NLGN1: variants seen among roughly 807,000 people sequenced by gnomAD.
NLGN1 encodes the protein neuroligin 1, also known as neuroligin-1.
Under a neutral mutation model 65.5 loss-of-function variants are expected in NLGN1, and 12 were observed. The ratio of observed to expected loss-of-function variants is 0.18; its 90% CI spans 0.12 to 0.30. The LOEUF (loss-of-function observed/expected upper bound fraction) is 0.30, where lower values mean the gene tolerates loss of function less well. Ranked by LOEUF, NLGN1 falls within the 10% of genes least tolerant of loss-of-function variation. The probability of loss-of-function intolerance (pLI) is 1.00; values close to 1 mark genes in which losing one functional copy is unlikely to be tolerated. For missense variants in NLGN1, 750 were observed against 1,007.1 expected, an observed-to-expected ratio of 0.74 and a Z score of 3.46; for synonymous variants, 350 against 359.5, an observed-to-expected ratio of 0.97 and a Z score of 0.30.
chr3:173,975,340 T>A (rs1346877870), intron 4 of NLGN1, among the ~76,000 whole-genome samples: 1 of 151,932 alleles, frequency 6.6e-6, no homozygotes, highest in African/African-American at 2.4e-5. Flanking sequence ...GCCACCTCCC[T>A]TTCTAATCAA....
At chr3:173,817,417 G>A (rs763404148) in intron 4 of NLGN1, among the ~76,000 whole-genome samples, 5 of 152,192 alleles carry the variant, frequency 3.3e-5, no homozygotes, top group Non-Finnish European at 5.9e-5. Context: ...AAAAAGCACG[G>A]CTAATACCTC....
chr3:173,609,820 A>T (rs1752001413), intron 3 of NLGN1, among the ~76,000 whole-genome samples: 1 of 151,970 alleles, frequency 6.6e-6, no homozygotes, highest in African/African-American at 2.4e-5. Context: ...AAATTGAAAC[A>T]GAGTATGAAA....
At chr3:173,653,627 T>G (rs1310458934) in intron 3 of NLGN1, among the ~76,000 whole-genome samples, 1 of 152,200 alleles carries the variant, frequency 6.6e-6, no homozygotes, top group Non-Finnish European at 1.5e-5. Context: ...AATTTATATA[T>G]TGATATAGTT....
At chr3:173,479,637 G>T (rs907641906) in intron 2 of NLGN1, among the ~76,000 whole-genome samples, 6 of 152,060 alleles carry the variant, frequency 3.9e-5, no homozygotes, top group African/African-American at 1.4e-4. Context: ...ACCTTCATTG[G>T]CCATGTGCCT....
At chr3:173,456,117 C>T in intron 2 of NLGN1, among the ~76,000 whole-genome samples, 1 of 152,174 alleles carries the variant, frequency 6.6e-6, no homozygotes, top group Non-Finnish European at 1.5e-5. Context: ...AACACCCTCA[C>T]AGATACACCC....
At chr3:173,886,885 T>A (rs944590135) in intron 4 of NLGN1, among the ~76,000 whole-genome samples, 1 of 152,004 alleles carries the variant, frequency 6.6e-6, no homozygotes, top group Non-Finnish European at 1.5e-5. Context: ...CCTTGCACTA[T>A]AAAATAGACT....
chr3:173,448,240 A>G (rs1720761926), intron 2 of NLGN1, among the ~76,000 whole-genome samples: 1 of 152,206 alleles, frequency 6.6e-6, no homozygotes, highest in Admixed American at 6.5e-5. Flanking sequence ...CCTCCCATCA[A>G]TACCTAATTT....
intron 4 of NLGN1, among the ~76,000 whole-genome samples, chr3:173,976,847 A>C (rs1717577543): frequency 6.6e-6 from 1 of 152,076 alleles, no homozygotes; most frequent in Non-Finnish European, 1.5e-5. Flanking sequence ...TGATATTTTT[A>C]GCCTCTTGCC....
chr3:174,140,811 A>G (rs1329821331), intron 4 of NLGN1, among the ~76,000 whole-genome samples: 4 of 152,182 alleles, frequency 2.6e-5, no homozygotes, highest in Non-Finnish European at 5.9e-5. Flanking sequence ...TATCATTTCA[A>G]TTAGGCTATT....
chr3:174,035,475 A>C (rs547283180), intron 4 of NLGN1, among the ~76,000 whole-genome samples: 15 of 152,152 alleles, frequency 9.9e-5, no homozygotes, highest in Non-Finnish European at 2.1e-4. Context: ...ATCTTGTCTC[A>C]CAGGCTGCTG....
chr3:173,653,229 T>G (rs974418115), intron 3 of NLGN1, among the ~76,000 whole-genome samples: 3 of 152,198 alleles, frequency 2.0e-5, no homozygotes, highest in Non-Finnish European at 4.4e-5. Context: ...GGATGCCTTT[T>G]ATTTATTTCT....
chr3:173,942,602 A>T (rs1373335495), intron 4 of NLGN1, among the ~76,000 whole-genome samples: 1 of 152,192 alleles, frequency 6.6e-6, no homozygotes, highest in East Asian at 1.9e-4. Flanking sequence ...GGAGGAAAAA[A>T]CAGTTTTTAT....
At chr3:173,603,002 T>C (rs1750789770) in intron 2 of NLGN1, among the ~76,000 whole-genome samples, 1 of 152,102 alleles carries the variant, frequency 6.6e-6, no homozygotes, top group African/African-American at 2.4e-5. Flanking sequence ...CTTATAGCCT[T>C]CTGTGATGGA....
At chr3:173,650,190 T>C (rs1758927481) in intron 3 of NLGN1, among the ~76,000 whole-genome samples, 1 of 152,130 alleles carries the variant, frequency 6.6e-6, no homozygotes, top group African/African-American at 2.4e-5. Flanking sequence ...GAATATCCAC[T>C]TCATTCATCT....
chr3:173,757,994 A>G (rs1206885124), intron 3 of NLGN1, among the ~76,000 whole-genome samples: 1 of 152,016 alleles, frequency 6.6e-6, no homozygotes, highest in Non-Finnish European at 1.5e-5. Context: ...TTGAAGCTCT[A>G]AGCCTCAAGG....
chr3:174,128,388 G>T (rs1366947909), intron 4 of NLGN1, among the ~76,000 whole-genome samples: 2 of 152,092 alleles, frequency 1.3e-5, no homozygotes, highest in Admixed American at 6.5e-5. Context: ...TAATAGAAAA[G>T]ATAATATGTG....
intron 2 of NLGN1, among the ~76,000 whole-genome samples, chr3:173,567,481 T>G (rs1743880497): frequency 6.6e-6 from 1 of 151,728 alleles, no homozygotes; most frequent in East Asian, 1.9e-4. Context: ...AAATAACGTT[T>G]AATTTTTATG....
At chr3:174,124,572 TAC>T (rs571148103) in intron 4 of NLGN1, among the ~76,000 whole-genome samples, 1 of 126,926 alleles carries the variant, frequency 7.9e-6, no homozygotes, top group Admixed American at 7.4e-5. Flanking sequence ...TATATACGTA[TAC>T]ACATATATAC....
At chr3:173,808,718 C>T (rs1248430928) in intron 4 of NLGN1, among the ~76,000 whole-genome samples, 1 of 152,060 alleles carries the variant, frequency 6.6e-6, no homozygotes, top group Non-Finnish European at 1.5e-5. Context: ...AATTGTCCTC[C>T]AAGTCTTATC....
Sources: gnomAD v4.1 joint callset for allele counts (sites outside exome capture counted in the v4.1 genomes callset) on GRCh38, gnomAD v4.1.1 for gene constraint, MANE v1.5 for transcripts, NCBI Gene and HGNC (gene_info 2026-07-23, HGNC 2026-07-21) for gene names.